Variants in PRDM6 observed in about 807,000 individuals in gnomAD.
PRDM6 encodes the protein putative histone-lysine N-methyltransferase PRDM6.
Under a neutral mutation model 60.8 loss-of-function variants are expected in PRDM6, and 25 were observed. The ratio of observed to expected loss-of-function variants is 0.41; its 90% CI spans 0.30 to 0.57. The LOEUF is 0.57. Ranked by LOEUF, PRDM6 falls within the 20% of genes least tolerant of loss-of-function variation. PRDM6 has a pLI of 0.27. For synonymous variants in PRDM6, 407 were observed against 357.4 expected (o/e 1.14, Z -1.57); for missense variants, 839 against 821.3 (o/e 1.02, Z -0.26).
Position 123,155,960 on chromosome 5 carries a change from T to C in PRDM6, c.977T>C (p.Ile326Thr), listed in dbSNP as rs1258242200. Reference sequence around the variant, plus strand: ...AGTAAGTCGAGCTGGATGAGGTATATCCGATGTGCAAGGCACTGCGGAGAA... The same window carrying C: ...AGTAAGTCGAGCTGGATGAGGTATACCCGATGTGCAAGGCACTGCGGAGAA... ...EPSKSSWMRY[I>T]RCARHCGEQN... Residue 326 changes from isoleucine (I) to threonine (T), a missense_variant, in exon 4 of 8, where the codon ATC becomes ACC. Transcript: ENST00000407847. 2 of 1,551,748 alleles carry C rather than the reference T, an allele frequency of 1.3e-6. No individual in the cohort carries two copies. Among genetic ancestry groups the C allele is most frequent in the Non-Finnish European group, 8.7e-7 (1 of 1,146,930 alleles).
At chr5:123,170,514 A>G (rs1019538170) in intron 5 of PRDM6, among the ~76,000 whole-genome samples, 2 of 152,192 alleles carry the variant, frequency 1.3e-5, no homozygotes, top group African/African-American at 4.8e-5. Context: ...GTCATAAGTG[A>G]ACTCCATGAG....
chr5:123,090,685 C>G, intron 2 of PRDM6, 79 bp downstream of exon 2: 1 of 245,562 alleles, frequency 4.1e-6, no homozygotes, highest in Non-Finnish European at 6.2e-6. Context: ...GTCAGGGAGG[C>G]GGGTCGGATA....
intron 7 of PRDM6, among the ~76,000 whole-genome samples, chr5:123,186,735 G>A (rs1170103245): frequency 3.3e-5 from 5 of 152,208 alleles, no homozygotes; most frequent in Non-Finnish European, 4.4e-5. Flanking sequence ...TCTCTTTGGG[G>A]TTACAGAGTA....
intron 3 of PRDM6, among the ~76,000 whole-genome samples, chr5:123,121,140 A>T (rs1764571030): frequency 6.6e-6 from 1 of 152,192 alleles, no homozygotes; most frequent in Non-Finnish European, 1.5e-5. Flanking sequence ...CTTTAGGTCC[A>T]GTTTTGCACA....
At chr5:123,111,809 T>C (rs966452168) in intron 3 of PRDM6, among the ~76,000 whole-genome samples, 6 of 152,178 alleles carry the variant, frequency 3.9e-5, no homozygotes, top group Non-Finnish European at 7.3e-5. Context: ...ACTCTTGAGC[T>C]CACCTGGCCT....
intron 3 of PRDM6, among the ~76,000 whole-genome samples, chr5:123,150,476 A>G (rs1001934796): frequency 6.6e-6 from 1 of 152,214 alleles, no homozygotes; most frequent in African/African-American, 2.4e-5. Context: ...TTTCATAGTC[A>G]AAACAGCCAA....
intron 5 of PRDM6, among the ~76,000 whole-genome samples, chr5:123,167,589 A>T (rs1436994818): frequency 6.6e-6 from 1 of 151,944 alleles, no homozygotes; most frequent in African/African-American, 2.4e-5. Flanking sequence ...GGGTTTCTCC[A>T]TGTTGGTCAG....
intron 4 of PRDM6, 101 bp downstream of exon 4, chr5:123,156,112 C>T: frequency 1.7e-6 from 2 of 1,193,142 alleles, no homozygotes; most frequent in Non-Finnish European, 1.2e-6. Context: ...TCCTGCAGAA[C>T]TCTGCAAGGA....
At chr5:123,090,663 G>C in intron 2 of PRDM6, 57 bp downstream of exon 2, 7 of 1,342,482 alleles carry the variant, frequency 5.2e-6, no homozygotes, top group Non-Finnish European at 6.0e-6. Flanking sequence ...GCGCCGGCGG[G>C]CGCGGGTGCC....
intron 3 of PRDM6, among the ~76,000 whole-genome samples, chr5:123,101,401 CG>C (rs1764100648): frequency 6.6e-6 from 1 of 152,102 alleles, no homozygotes; most frequent in South Asian, 2.1e-4. Flanking sequence ...TGGAGTGCCC[CG>C]GCTCAAAGCA....
chr5:123,167,734 T>C (rs1181637804), intron 5 of PRDM6, among the ~76,000 whole-genome samples: 1 of 151,878 alleles, frequency 6.6e-6, no homozygotes, highest in Admixed American at 6.6e-5. Flanking sequence ...TCAGAATCTA[T>C]CATCTACACT....
At position 123,190,780 on chromosome 5, in the gene PRDM6, G is replaced by A. The variant is rs1232722479; in HGVS notation, c.*3579G>A. 6.6e-6 allele frequency: 1 copy of A among 152,184 alleles called. No individual in the cohort carries two copies. The highest frequency in any genetic ancestry group is 2.4e-5 in the African/African-American group (1 of 41,518). The allele number at this position is 152,184 out of a possible 1,614,324, so 9.4% of individuals were successfully genotyped here. A position where few individuals can be genotyped will look rare whatever the true frequency, so the allele number is the denominator to read the frequency against. ...TTATTGAACTCTTATTTTATATAAA[G>A]ACCCCATTTTATGTGTTCACCATAA... On this transcript the variant is annotated 3_prime_UTR_variant, in exon 8 of 8. Coordinates refer to ENST00000407847, the MANE Select transcript of PRDM6 (RefSeq NM_001136239.4).
At chr5:123,096,299 A>AT (rs1449333250) in intron 2 of PRDM6, among the ~76,000 whole-genome samples, 2 of 152,020 alleles carry the variant, frequency 1.3e-5, no homozygotes, top group African/African-American at 4.8e-5. Flanking sequence ...AATGACATAT[A>AT]TTATATACAT....
intron 3 of PRDM6, among the ~76,000 whole-genome samples, chr5:123,116,572 A>G (rs531891622): frequency 9.5e-4 from 144 of 152,330 alleles, no homozygotes; most frequent in African/African-American, 3.4e-3. Flanking sequence ...GGATCACTGT[A>G]TACAGTAGTT....
chr5:123,121,300 A>AT (rs1247382083), intron 3 of PRDM6, among the ~76,000 whole-genome samples: 1 of 151,790 alleles, frequency 6.6e-6, no homozygotes, highest in East Asian at 1.9e-4. Context: ...TATTTTGAAT[A>AT]TTTTTTTCTT....
chr5:123,116,723 C>T (rs1399888771), intron 3 of PRDM6, among the ~76,000 whole-genome samples: 2 of 152,018 alleles, frequency 1.3e-5, no homozygotes, highest in Non-Finnish European at 2.9e-5. Flanking sequence ...CCTAGAGGGA[C>T]GGTCAGGCTA....
At chr5:123,172,963 A>G (rs1175651624) in intron 6 of PRDM6, among the ~76,000 whole-genome samples, 2 of 152,160 alleles carry the variant, frequency 1.3e-5, no homozygotes, top group African/African-American at 2.4e-5. Context: ...AGGCCGAGGC[A>G]GGCGGATCAC....
intron 2 of PRDM6, among the ~76,000 whole-genome samples, chr5:123,091,704 A>T (rs187364879): frequency 1.3e-5 from 2 of 152,374 alleles, no homozygotes; most frequent in Non-Finnish European, 2.9e-5. Flanking sequence ...AGAGCGTCAG[A>T]TTGAAAGCAA....
At chr5:123,129,329 T>C (rs965956093) in intron 3 of PRDM6, among the ~76,000 whole-genome samples, 1 of 152,230 alleles carries the variant, frequency 6.6e-6, no homozygotes, top group African/African-American at 2.4e-5. Context: ...GGGGATAGCA[T>C]TGAATCTATA....
Sources: allele counts gnomAD v4.1 joint callset (sites outside exome capture counted in the v4.1 genomes callset), GRCh38; gene constraint gnomAD v4.1.1; transcripts MANE v1.5; gene names NCBI Gene and HGNC (gene_info 2026-07-23, HGNC 2026-07-21).